MYO1D: variants seen among roughly 807,000 people sequenced by gnomAD.
MYO1D encodes the protein unconventional myosin-Id.
In MYO1D, 83 loss-of-function variants were observed where a neutral mutation model predicts 122.0. The observed-to-expected ratio is 0.68, with a 90% CI of 0.57 to 0.82. The LOEUF (loss-of-function observed/expected upper bound fraction) is 0.82. Among genes scored for constraint, MYO1D ranks in the 40% least tolerant of loss-of-function variants. The probability of loss-of-function intolerance (pLI) is 0.00; values close to 1 mark genes in which losing one functional copy is unlikely to be tolerated. For synonymous variants in MYO1D, 464 were observed against 446.9 expected, an observed-to-expected ratio of 1.04 and a Z score of -0.48; for missense variants, 1,157 against 1,269.5, an observed-to-expected ratio of 0.91 and a Z score of 1.35.
chr17:32,709,287 T>A (rs2089346052), intron 16 of MYO1D, among the ~76,000 whole-genome samples: 1 of 151,684 alleles, frequency 6.6e-6, no homozygotes, highest in Admixed American at 6.6e-5. Flanking sequence ...CTGAGAGGTA[T>A]GGTCACCCTG....
At chr17:32,515,318 C>G (rs943101472) in intron 21 of MYO1D, among the ~76,000 whole-genome samples, 1 of 152,202 alleles carries the variant, frequency 6.6e-6, no homozygotes, top group Non-Finnish European at 1.5e-5. Flanking sequence ...ATTCCCTCCT[C>G]CTGTCTTTTC....
chr17:32,863,865 G>T (rs995395806), intron 1 of MYO1D, among the ~76,000 whole-genome samples: 4 of 152,126 alleles, frequency 2.6e-5, no homozygotes, highest in Non-Finnish European at 5.9e-5. Flanking sequence ...AAGGCTCAGA[G>T]AACTGAAGTA....
rs1184993150 is a variant in MYO1D, at chr17:32,527,962, C to T, written c.2865-33047G>A. Reference sequence around the variant, plus strand: ...CAAGCAATTCTCCTGCCTCAGCCTCCTGAGTAGCTGGAATTACAGGCGCCC... The same window carrying T: ...CAAGCAATTCTCCTGCCTCAGCCTCTTGAGTAGCTGGAATTACAGGCGCCC... On this transcript the variant is annotated intron_variant, in intron 21 of 21. Coordinates refer to ENST00000318217, the MANE Select transcript of MYO1D (RefSeq NM_015194.3). Among the ~76,000 whole-genome samples the T allele has an allele frequency of 2.6e-5, 4 of 152,006 alleles. No individual in the cohort carries two copies. In the East Asian group the frequency reaches 5.8e-4, roughly 22 times the overall value.
chr17:32,727,379 A>G (rs1373760354), intron 14 of MYO1D, among the ~76,000 whole-genome samples: 1 of 152,258 alleles, frequency 6.6e-6, no homozygotes, highest in African/African-American at 2.4e-5. Context: ...CCAGCAAAGG[A>G]CAGACCTAAT....
intron 1 of MYO1D, among the ~76,000 whole-genome samples, chr17:32,787,910 T>A (rs1257966280): frequency 6.6e-6 from 1 of 152,272 alleles, no homozygotes; most frequent in African/African-American, 2.4e-5. Flanking sequence ...TTCAAGTTGT[T>A]ACAAAAGACA....
chr17:32,594,628 TA>T, intron 21 of MYO1D: 1 of 624,346 alleles, frequency 1.6e-6, no homozygotes, highest in Non-Finnish European at 2.8e-6. Flanking sequence ...TTAGGTCTTA[TA>T]ATATCTATAT....
intron 20 of MYO1D, among the ~76,000 whole-genome samples, chr17:32,632,734 G>C (rs2088037699): frequency 6.6e-6 from 1 of 151,990 alleles, no homozygotes; most frequent in African/African-American, 2.4e-5. Context: ...GCAAATGACA[G>C]TGTTATGTTG....
intron 1 of MYO1D, among the ~76,000 whole-genome samples, chr17:32,800,791 T>A (rs564360697): frequency 3.9e-5 from 6 of 152,256 alleles, no homozygotes; most frequent in African/African-American, 1.4e-4. Flanking sequence ...CACTATAGCT[T>A]CAAACTCCTG....
Position 32,638,741 on chromosome 17 carries a change from T to C in MYO1D, c.2690A>G (p.Lys897Arg), listed in dbSNP as rs377354653. The C allele has an allele frequency of 1.2e-6, 2 of 1,613,036 alleles. No homozygotes were observed. The highest frequency in any genetic ancestry group is 1.7e-6 in the Non-Finnish European group (2 of 1,179,114). The change falls in exon 20 of 22, where the codon AAG (lysine) becomes AGG (arginine). Residue 897 changes from lysine to arginine, a missense_variant. By Grantham distance (26) the Lys-to-Arg change is conservative (BLOSUM62 2). Transcript: ENST00000318217. ...ACTTACATTGTATAGAGGGATAGTC[T>C]TCATCACCTTGTACTGTTTAGTGGG... Reference protein sequence around the residue: ...MDPTKQYKVMKTIPLYNLTGL... With the variant: ...MDPTKQYKVMRTIPLYNLTGL...
chr17:32,830,497 T>C (rs2090761967), intron 1 of MYO1D, among the ~76,000 whole-genome samples: 1 of 152,130 alleles, frequency 6.6e-6, no homozygotes. Context: ...AACATGAAGC[T>C]AATAAAAATG....
At chr17:32,872,567 C>T (rs1369615280) in intron 1 of MYO1D, among the ~76,000 whole-genome samples, 1 of 151,656 alleles carries the variant, frequency 6.6e-6, no homozygotes, top group African/African-American at 2.4e-5. Context: ...AGCCACCGCG[C>T]CCGGCCGCAG....
chr17:32,676,516 G>C (rs145985953), intron 16 of MYO1D, among the ~76,000 whole-genome samples: 52 of 152,148 alleles, frequency 3.4e-4, no homozygotes, highest in Middle Eastern at 3.4e-3. Context: ...AATGAAACAG[G>C]AGGAATTTTG....
chr17:32,697,507 T>C (rs1427318625), intron 16 of MYO1D, among the ~76,000 whole-genome samples: 1 of 152,210 alleles, frequency 6.6e-6, no homozygotes, highest in Non-Finnish European at 1.5e-5. Flanking sequence ...CCTAGTAGCA[T>C]ACCCCAGCTT....
At chr17:32,688,088 C>T (rs552605686) in intron 16 of MYO1D, among the ~76,000 whole-genome samples, 1 of 152,280 alleles carries the variant, frequency 6.6e-6, no homozygotes, top group East Asian at 1.9e-4. Flanking sequence ...AGGTTCTCTG[C>T]CCCGCCTCTT....
At chr17:32,742,095 T>C (rs561497342) in intron 13 of MYO1D, among the ~76,000 whole-genome samples, 5 of 152,310 alleles carry the variant, frequency 3.3e-5, no homozygotes, top group South Asian at 4.1e-4. Context: ...ACAGACTTTT[T>C]TGAGGGGTCA....
chr17:32,507,992 G>A (rs1909558331), intron 21 of MYO1D, among the ~76,000 whole-genome samples: 1 of 151,276 alleles, frequency 6.6e-6, no homozygotes, highest in Admixed American at 6.6e-5. Flanking sequence ...TGCCTCCTGG[G>A]TTCAAGTGAT....
intron 4 of MYO1D, 32 bp from the exon 5 acceptor site, chr17:32,772,874 G>A (rs1231972380): frequency 6.9e-6 from 11 of 1,585,466 alleles, no homozygotes; most frequent in East Asian, 4.5e-5. Flanking sequence ...TGGTTAACCC[G>A]AAAATGTGCC....
chr17:32,580,224 A>G (rs1449923007), intron 21 of MYO1D, among the ~76,000 whole-genome samples: 1 of 138,848 alleles, frequency 7.2e-6, no homozygotes, highest in African/African-American at 2.7e-5. Context: ...TTTGCTTTAG[A>G]TTTTTTCACA....
At chr17:32,519,961 C>A (rs1567875169) in intron 21 of MYO1D, among the ~76,000 whole-genome samples, 2 of 150,342 alleles carry the variant, frequency 1.3e-5, no homozygotes. Flanking sequence ...GGAGAAAGGG[C>A]TACCCCCGCA....
Sources: allele counts gnomAD v4.1 joint callset (sites outside exome capture counted in the v4.1 genomes callset), GRCh38; gene constraint gnomAD v4.1.1; transcripts MANE v1.5; gene names NCBI Gene and HGNC (gene_info 2026-07-23, HGNC 2026-07-21).